Variants in AFDN observed in about 807,000 individuals in gnomAD.
AFDN encodes the protein afadin.
In AFDN, 68 loss-of-function variants were observed where a neutral mutation model predicts 216.6. The ratio of observed to expected loss-of-function variants is 0.31; its 90% CI spans 0.26 to 0.38. AFDN has a LOEUF of 0.38. Ranked by LOEUF, AFDN falls within the 10% of genes least tolerant of loss-of-function variation. The pLI is 1.00. For missense variants in AFDN, 2,136 were observed against 2,342.0 expected (o/e 0.91, Z 1.82); for synonymous variants, 868 against 853.7 (o/e 1.02, Z -0.29).
intron 1 of AFDN, among the ~76,000 whole-genome samples, chr6:167,839,614 G>T (rs1780827574): frequency 6.6e-6 from 1 of 152,066 alleles, no homozygotes; most frequent in Admixed American, 6.6e-5. Context: ...CTGAGATCTG[G>T]GGCTTGACGT....
chr6:167,904,563 A>G (rs773397035), intron 12 of AFDN, among the ~76,000 whole-genome samples: 4 of 152,136 alleles, frequency 2.6e-5, no homozygotes, highest in East Asian at 1.9e-4. Flanking sequence ...TATCCTGTAC[A>G]TATTTCAAAT....
chr6:167,883,786 G>T (rs548257360), intron 6 of AFDN, among the ~76,000 whole-genome samples: 1 of 152,320 alleles, frequency 6.6e-6, no homozygotes, highest in Non-Finnish European at 1.5e-5. Context: ...GCCACTGACT[G>T]ACCAGGGTGG....
At chr6:167,946,929 A>G (rs779545848) in intron 27 of AFDN, 28 bp downstream of exon 27, 3 of 1,584,302 alleles carry the variant, frequency 1.9e-6, no homozygotes, top group Admixed American at 1.9e-5. Flanking sequence ...TTGCTTCCTA[A>G]GTACACTTGT....
intron 19 of AFDN, among the ~76,000 whole-genome samples, chr6:167,916,883 A>G (rs762769863): frequency 6.6e-6 from 1 of 152,218 alleles, no homozygotes; most frequent in Non-Finnish European, 1.5e-5. Context: ...TTAAGAGGGC[A>G]TCTAAAAAGA....
intron 1 of AFDN, among the ~76,000 whole-genome samples, chr6:167,860,274 TA>T (rs1783411980): frequency 6.6e-6 from 1 of 151,834 alleles, no homozygotes; most frequent in Admixed American, 6.6e-5. Context: ...TATGGCTGTT[TA>T]TTATAAATTT....
At chr6:167,879,683 A>T (rs1785868091) in intron 5 of AFDN, among the ~76,000 whole-genome samples, 2 of 152,230 alleles carry the variant, frequency 1.3e-5, no homozygotes, top group African/African-American at 4.8e-5. Flanking sequence ...AGAAAATGTC[A>T]GGATATCCAA....
At chr6:167,906,328 A>G (rs1161831185) in intron 12 of AFDN, among the ~76,000 whole-genome samples, 1 of 152,230 alleles carries the variant, frequency 6.6e-6, no homozygotes, top group African/African-American at 2.4e-5. Context: ...AACATCTGAA[A>G]AAGTGTTTTT....
intron 12 of AFDN, among the ~76,000 whole-genome samples, chr6:167,906,959 G>T (rs1789772584): frequency 6.6e-6 from 1 of 152,256 alleles, no homozygotes; most frequent in Non-Finnish European, 1.5e-5. Context: ...GAGAATGAAA[G>T]TGGCTGTGCG....
At chr6:167,895,719 G>C (rs1461249509) in intron 9 of AFDN, among the ~76,000 whole-genome samples, 2 of 152,174 alleles carry the variant, frequency 1.3e-5, no homozygotes, top group African/African-American at 4.8e-5. Context: ...CTCAAACTCT[G>C]TGCACGCTCA....
At chr6:167,914,052 C>T (rs1251917165) in intron 16 of AFDN, 116 bp from the exon 17 acceptor site, 3 of 1,109,760 alleles carry the variant, frequency 2.7e-6, no homozygotes, top group East Asian at 4.9e-5. Flanking sequence ...TGGTAAATAC[C>T]TTGGTGAAAT....
intron 1 of AFDN, among the ~76,000 whole-genome samples, chr6:167,862,801 C>G (rs1275168467): frequency 6.6e-6 from 1 of 152,230 alleles, no homozygotes; most frequent in African/African-American, 2.4e-5. Flanking sequence ...TTCTGAGAGA[C>G]AGCAGGACTC....
chr6:167,928,975 A>G (rs1383335606), intron 23 of AFDN, among the ~76,000 whole-genome samples: 1 of 152,194 alleles, frequency 6.6e-6, no homozygotes, highest in Non-Finnish European at 1.5e-5. Flanking sequence ...AATATTTGTC[A>G]TGTGTGGTGA....
chr6:167,873,025 GT>G (rs1784950864), intron 4 of AFDN, among the ~76,000 whole-genome samples: 1 of 152,190 alleles, frequency 6.6e-6, no homozygotes, highest in Non-Finnish European at 1.5e-5. Context: ...ACCCTCAGCA[GT>G]TTTTGGTTTT....
At chr6:167,834,490 A>T in intron 1 of AFDN, among the ~76,000 whole-genome samples, 1 of 114,346 alleles carries the variant, frequency 8.7e-6, no homozygotes, top group Admixed American at 1.1e-4. Context: ...CGAAAGGTAT[A>T]AAACGTGATA....
intron 31 of AFDN, 65 bp from the exon 32 acceptor site, chr6:167,965,692 C>G: frequency 7.1e-7 from 1 of 1,415,530 alleles, no homozygotes. Flanking sequence ...CCTTTGAAGG[C>G]CCAGTGGGTC....
Position 167,917,145 on chromosome 6 carries a change from C to A in AFDN, c.2622C>A (p.Asn874Lys), listed in dbSNP as rs1791185076. 2.5e-6 allele frequency: 4 copies of A among 1,612,946 alleles called. No individual in the cohort carries two copies. In the East Asian group the frequency reaches 8.9e-5, roughly 36 times the overall value. ...KYAPDDIPNI[N>K]STCFKLNSLQ... Reference sequence around the variant, plus strand: ...CACCTGATGACATTCCAAATATAAACAGCACCTGCTTTAAGTTAAATTCAT... The same window carrying A: ...CACCTGATGACATTCCAAATATAAAAAGCACCTGCTTTAAGTTAAATTCAT... The change falls in exon 20 of 34, where the codon AAC becomes AAA. Residue 874 changes from asparagine to lysine, a missense_variant. Physicochemically the swap from Asn to Lys is moderately conservative, Grantham distance 94. Coordinates refer to ENST00000683244, the MANE Select transcript of AFDN (RefSeq NM_001386888.1).
intron 23 of AFDN, among the ~76,000 whole-genome samples, chr6:167,940,170 T>A (rs1794510712): frequency 6.6e-6 from 1 of 151,584 alleles, no homozygotes; most frequent in Admixed American, 6.6e-5. Context: ...GAGGTGAGAG[T>A]GGAAACCATC....
At chr6:167,864,512 T>C (rs1389543209) in intron 1 of AFDN, 39 bp from the exon 2 acceptor site, 32 of 1,552,424 alleles carry the variant, frequency 2.1e-5, no homozygotes, top group Non-Finnish European at 2.7e-5. Flanking sequence ...CTTTTCAGAA[T>C]GTTGTTTTCC....
At chr6:167,909,337 A>G (rs1210293702) in intron 13 of AFDN, among the ~76,000 whole-genome samples, 2 of 152,000 alleles carry the variant, frequency 1.3e-5, no homozygotes, top group African/African-American at 2.4e-5. Context: ...GTATAAATAT[A>G]TTCATTTCTC....
Sources: gnomAD v4.1 joint callset for allele counts (sites outside exome capture counted in the v4.1 genomes callset) on GRCh38, gnomAD v4.1.1 for gene constraint, MANE v1.5 for transcripts, NCBI Gene and HGNC (gene_info 2026-07-23, HGNC 2026-07-21) for gene names.